PLAC1: variants seen among roughly 807,000 people sequenced by gnomAD.
PLAC1 encodes placenta associated 1, also known as placenta-specific protein 1.
For missense variants in PLAC1, 136 were observed against 163.2 expected (o/e 0.83, Z 0.91); for synonymous variants, 68 against 62.1 (o/e 1.09, Z -0.44).
chrX:134,626,217 T>C (rs1396804202), intron 1 of PLAC1, among the ~76,000 whole-genome samples: 1 of 112,062 alleles, frequency 8.9e-6, no homozygotes, highest in Non-Finnish European at 1.9e-5. Context: ...CCTTAGTCCA[T>C]GCCCCACCTG....
chrX:134,656,609 C>T (rs1450462782), intron 1 of PLAC1, among the ~76,000 whole-genome samples: 1 of 111,056 alleles, frequency 9.0e-6, no homozygotes, highest in Non-Finnish European at 1.9e-5. Flanking sequence ...TTTTGAGATG[C>T]GGTTGTGCTC....
At chrX:134,612,830 G>A (rs186096387) in intron 1 of PLAC1, among the ~76,000 whole-genome samples, 55 of 111,364 alleles carry the variant, frequency 4.9e-4, no homozygotes, top group Admixed American at 4.0e-3. Context: ...AATCTGTGCT[G>A]AATCCAGCCT....
At chrX:134,744,968 T>A (rs371769089) in intron 1 of PLAC1, among the ~76,000 whole-genome samples, 1 of 111,529 alleles carries the variant, frequency 9.0e-6, no homozygotes, top group East Asian at 2.8e-4. Context: ...CACTGGGTGA[T>A]CTGGGAGTCC....
At chrX:134,679,876 G>T (rs762833436) in intron 2 of PLAC1, among the ~76,000 whole-genome samples, 34 of 111,910 alleles carry the variant, frequency 3.0e-4, no homozygotes, top group African/African-American at 1.1e-3. Context: ...GGTCCGTTTG[G>T]TGTTGGCGGG....
At chrX:134,674,701 C>T (rs772200994) in intron 2 of PLAC1, among the ~76,000 whole-genome samples, 17 of 112,210 alleles carry the variant, frequency 1.5e-4, no homozygotes, top group Non-Finnish European at 3.0e-4. Context: ...TAGATGTGGC[C>T]CAAGATAGAC....
intron 1 of PLAC1, among the ~76,000 whole-genome samples, chrX:134,637,537 T>A (rs1371483910): frequency 8.9e-6 from 1 of 111,908 alleles, no homozygotes; most frequent in South Asian, 3.8e-4. Context: ...GGGTTGAAAT[T>A]ATGCTTACAA....
intron 1 of PLAC1, among the ~76,000 whole-genome samples, chrX:134,746,638 T>C (rs1284327351): frequency 8.9e-6 from 1 of 111,826 alleles, no homozygotes; most frequent in African/African-American, 3.3e-5. Context: ...GTATCATATA[T>C]TATAGATGAT....
chrX:134,648,750 T>C (rs2078346989), intron 1 of PLAC1, among the ~76,000 whole-genome samples: 1 of 111,033 alleles, frequency 9.0e-6, no homozygotes, highest in African/African-American at 3.3e-5. Flanking sequence ...CCCCATTATG[T>C]ACGAAATGAA....
rs750440199 is a variant in PLAC1, at chrX:134,762,204, C to T, written n.89+2030G>A. 2.8e-5 allele frequency among the ~76,000 whole-genome samples: 3 copies of T among 107,113 alleles called. No homozygotes were observed. The South Asian group carries it at 1.3e-3, about 47-fold the overall frequency. The allele number at this position is 107,113 out of a possible 115,157, so 93.0% of individuals were successfully genotyped here. A position where few individuals can be genotyped will look rare whatever the true frequency, so the allele number is the denominator to read the frequency against. ...TCCAGAACTGTTGAGGCACCCCCCC[C>T]CCAATGACCACTTCCAGTCATTCAC... On this transcript the variant is annotated intron_variant and non_coding_transcript_variant, in intron 1 of 2. Transcript: ENST00000466797.
At chrX:134,664,626 G>C (rs73566666) in intron 2 of PLAC1, among the ~76,000 whole-genome samples, 1,546 of 112,287 alleles carry the variant, frequency 0.014, 27 homozygotes, top group African/African-American at 0.046. Context: ...TCCAGAAAGG[G>C]AGCCAGAGGC....
At chrX:134,750,018 G>A (rs1426752297) in intron 1 of PLAC1, among the ~76,000 whole-genome samples, 2 of 111,224 alleles carry the variant, frequency 1.8e-5, no homozygotes, top group East Asian at 5.6e-4. Flanking sequence ...AACCTGCCTA[G>A]TGAGATTCCT....
rs200146589 is a variant in PLAC1, at chrX:134,566,456, C to T, written c.227G>A (p.Arg76His). The change falls in exon 3 of 3, where the codon CGT (arginine) becomes CAT (histidine). Residue 76 changes from arginine to histidine, a missense_variant. Physicochemically the swap from Arg to His is conservative, Grantham distance 29 (BLOSUM62 0). Coordinates refer to ENST00000359237, the MANE Select transcript of PLAC1 (RefSeq NM_021796.4). ...VQPHAYQFTY[R>H]VTECGIRAKA... ...GGCCCTGATGCCACATTCAGTAACACGGTAGGTGAACTGGTAGGCGTGTGG... is the reference window on the plus strand; with the variant it reads ...GGCCCTGATGCCACATTCAGTAACATGGTAGGTGAACTGGTAGGCGTGTGG... 5.3e-5 allele frequency: 64 copies of T among 1,210,318 alleles called. No homozygotes were observed. The East Asian group carries it at 1.1e-3, about 21-fold the overall frequency.
At chrX:134,720,311 A>G (rs2078654095) in intron 2 of PLAC1, among the ~76,000 whole-genome samples, 1 of 112,470 alleles carries the variant, frequency 8.9e-6, no homozygotes. Context: ...ACTGAAAACT[A>G]TAAAACACCA....
chrX:134,599,590 C>A (rs2078079142), intron 2 of PLAC1: 1 of 111,803 alleles, frequency 8.9e-6, no homozygotes, highest in Non-Finnish European at 1.9e-5. Context: ...TGCAGAGCAG[C>A]ATGAGAACAG....
At chrX:134,613,535 T>C (rs1250573778) in intron 1 of PLAC1, among the ~76,000 whole-genome samples, 1 of 111,193 alleles carries the variant, frequency 9.0e-6, no homozygotes, top group Non-Finnish European at 1.9e-5. Context: ...TTGTGCAACA[T>C]GAAAAGTCAT....
chrX:134,649,805 G>T (rs2078353576), intron 1 of PLAC1, among the ~76,000 whole-genome samples: 1 of 112,141 alleles, frequency 8.9e-6, no homozygotes, highest in Non-Finnish European at 1.9e-5. Context: ...TGGCGCTTTG[G>T]CATGCTGAGT....
intron 1 of PLAC1, among the ~76,000 whole-genome samples, chrX:134,754,758 C>T (rs865965994): frequency 6.5e-3 from 428 of 65,853 alleles, no homozygotes; most frequent in South Asian, 7.6e-3. Context: ...ATTTATTGTT[C>T]TTTTTTTTTT....
At chrX:134,631,977 G>A (rs1199987792) in intron 1 of PLAC1, among the ~76,000 whole-genome samples, 1 of 112,287 alleles carries the variant, frequency 8.9e-6, no homozygotes, top group Non-Finnish European at 1.9e-5. Flanking sequence ...GCTGCAGAAA[G>A]ACTGAAGGTG....
intron 1 of PLAC1, among the ~76,000 whole-genome samples, chrX:134,627,714 C>T (rs2078242845): frequency 8.9e-6 from 1 of 112,359 alleles, no homozygotes; most frequent in African/African-American, 3.2e-5. Context: ...TTTTCATTCC[C>T]TTTCATTGGT....
Sources: gnomAD v4.1 joint callset for allele counts (sites outside exome capture counted in the v4.1 genomes callset) on GRCh38, gnomAD v4.1.1 for gene constraint, MANE v1.5 for transcripts, NCBI Gene and HGNC (gene_info 2026-07-23, HGNC 2026-07-21) for gene names.